The following PSD3 variants were observed in gnomAD, a reference collection of about 807,000 sequenced individuals.
PSD3 encodes the protein pleckstrin and Sec7 domain containing 3.
PSD3 carries 49 observed loss-of-function variants against 105.5 expected under a neutral mutation model. That is an observed-to-expected ratio of 0.46 (90% CI 0.37 to 0.59). The LOEUF is 0.59. Ranked by LOEUF, PSD3 falls within the 20% of genes least tolerant of loss-of-function variation. PSD3 has a pLI of 0.00. For missense variants in PSD3, 1,561 were observed against 1,263.8 expected, an observed-to-expected ratio of 1.24 and a Z score of -3.57; for synonymous variants, 557 against 457.8, an observed-to-expected ratio of 1.22 and a Z score of -2.77.
intron 8 of PSD3, among the ~76,000 whole-genome samples, chr8:18,779,914 T>A (rs1161512163): frequency 6.6e-6 from 1 of 152,180 alleles, no homozygotes; most frequent in African/African-American, 2.4e-5. Context: ...GGACAATATG[T>A]TCTGTAAATG....
rs55789328 is a variant in PSD3, at chr8:18,678,982, GGTTAA to G, written c.2173-23302_2173-23298del. Among the ~76,000 whole-genome samples the G allele has an allele frequency of 7.9e-5, 12 of 151,346 alleles. No homozygotes were observed. In the East Asian group the frequency reaches 9.8e-4, roughly 12 times the overall value. On this transcript the variant is annotated intron_variant, in intron 9 of 15. Transcript: ENST00000327040. ...ATTCAGCTAAAGGATGAATTTATGA[GGTTAA>G]AAATGTACTCCTTCAACTTAGGAAT...
At chr8:18,645,373 T>C (rs1303903189) in intron 10 of PSD3, among the ~76,000 whole-genome samples, 1 of 152,220 alleles carries the variant, frequency 6.6e-6, no homozygotes, top group African/African-American at 2.4e-5. Flanking sequence ...TAATAATCAA[T>C]AGCTAACAAA....
chr8:19,044,734 G>A (rs1240444468), intron 1 of PSD3, among the ~76,000 whole-genome samples: 2 of 152,168 alleles, frequency 1.3e-5, no homozygotes, highest in East Asian at 3.9e-4. Context: ...AACTATGGAA[G>A]TGCTATGAGA....
chr8:18,818,035 C>T (rs139801551), intron 4 of PSD3, among the ~76,000 whole-genome samples: 6,240 of 152,254 alleles, frequency 0.041, 145 homozygotes, highest in Admixed American at 0.068. Flanking sequence ...CTCACTGCAA[C>T]CTCTGCCTCC....
At chr8:18,786,870 GAGTCAGATC>G (rs1278740698) in intron 8 of PSD3, 20 of 152,306 alleles carry the variant, frequency 1.3e-4, no homozygotes, top group African/African-American at 4.8e-4. Flanking sequence ...AAAAGGTGAG[GAGTCAGATC>G]AGTCCATTTT....
At chr8:18,661,480 T>C (rs1283891642) in intron 9 of PSD3, among the ~76,000 whole-genome samples, 1 of 152,240 alleles carries the variant, frequency 6.6e-6, no homozygotes, top group East Asian at 1.9e-4. Context: ...AATATCAAAA[T>C]GGTTAGAAAA....
intron 9 of PSD3, among the ~76,000 whole-genome samples, chr8:18,756,602 C>T (rs13258866): frequency 0.34 from 52,303 of 151,820 alleles, 11,177 homozygotes; most frequent in Non-Finnish European, 0.48. Context: ...ACAAGATCAC[C>T]CTGTGAAGTT....
At chr8:18,971,138 A>T (rs1824626063) in intron 1 of PSD3, among the ~76,000 whole-genome samples, 1 of 152,192 alleles carries the variant, frequency 6.6e-6, no homozygotes, top group South Asian at 2.1e-4. Flanking sequence ...AAAACAGTCA[A>T]ATAAGGACCT....
chr8:18,565,687 C>T (rs543269711), intron 14 of PSD3, among the ~76,000 whole-genome samples: 19 of 152,084 alleles, frequency 1.2e-4, no homozygotes, highest in Non-Finnish European at 2.2e-4. Flanking sequence ...GTAAAATTAT[C>T]CAAAAAATTG....
intron 13 of PSD3, 72 bp from the exon 14 acceptor site, chr8:18,572,744 G>A (rs1219411552): frequency 3.2e-5 from 49 of 1,518,072 alleles, no homozygotes; most frequent in East Asian, 6.9e-5. Flanking sequence ...CCTATTTCAC[G>A]TTACTGATTT....
intron 1 of PSD3, among the ~76,000 whole-genome samples, chr8:19,005,670 A>G (rs1161868548): frequency 6.6e-6 from 1 of 151,820 alleles, no homozygotes; most frequent in African/African-American, 2.4e-5. Context: ...TTTTTTTGCT[A>G]TTAAAGGGGT....
chr8:18,939,524 T>C (rs1586479893), intron 1 of PSD3, among the ~76,000 whole-genome samples: 1 of 152,092 alleles, frequency 6.6e-6, no homozygotes, highest in African/African-American at 2.4e-5. Flanking sequence ...GCTTTTTTTT[T>C]TTTTTTAGAG....
chr8:18,868,668 G>A (rs1313936598), intron 3 of PSD3, among the ~76,000 whole-genome samples: 1 of 152,266 alleles, frequency 6.6e-6, no homozygotes, highest in South Asian at 2.1e-4. Flanking sequence ...GCTAACCAAA[G>A]CTTTGAGAGA....
chr8:19,039,818 A>G (rs1386194751), intron 1 of PSD3, among the ~76,000 whole-genome samples: 2 of 152,228 alleles, frequency 1.3e-5, no homozygotes, highest in Non-Finnish European at 2.9e-5. Context: ...GAAATAGTGG[A>G]GAATGAAGGA....
chr8:18,654,272 TG>T (rs1808726730), intron 10 of PSD3, among the ~76,000 whole-genome samples: 1 of 152,178 alleles, frequency 6.6e-6, no homozygotes, highest in Non-Finnish European at 1.5e-5. Flanking sequence ...GCACATTATA[TG>T]TAATACACAG....
intron 9 of PSD3, among the ~76,000 whole-genome samples, chr8:18,758,340 T>C (rs920526966): frequency 5.3e-5 from 8 of 151,824 alleles, no homozygotes; most frequent in African/African-American, 1.7e-4. Flanking sequence ...CAATTGTCAG[T>C]GTTAAATTTC....
intron 8 of PSD3, chr8:18,775,066 A>C (rs1807916687): frequency 2.4e-6 from 1 of 413,710 alleles, no homozygotes; most frequent in African/African-American, 2.1e-5. Flanking sequence ...ACCTTCATGA[A>C]ATCTACTTTT....
intron 15 of PSD3, among the ~76,000 whole-genome samples, chr8:18,544,194 A>C (rs1011059959): frequency 7.7e-6 from 1 of 129,830 alleles, no homozygotes; most frequent in Non-Finnish European, 1.8e-5. Flanking sequence ...AAAAAAAAAA[A>C]AAAACCAAAC....
At chr8:18,671,197 AG>A (rs769254478) in intron 9 of PSD3, among the ~76,000 whole-genome samples, 1 of 152,168 alleles carries the variant, frequency 6.6e-6, no homozygotes, top group Non-Finnish European at 1.5e-5. Flanking sequence ...TCTACGTCCT[AG>A]GAAGTAAGTA....
Sources: allele counts gnomAD v4.1 joint callset (sites outside exome capture counted in the v4.1 genomes callset), GRCh38; gene constraint gnomAD v4.1.1; transcripts MANE v1.5; gene names NCBI Gene and HGNC (gene_info 2026-07-23, HGNC 2026-07-21).